Variants in SLC35F1 observed in about 807,000 individuals in gnomAD.
SLC35F1 encodes the protein solute carrier family 35 member F1.
Under a neutral mutation model 48.7 loss-of-function variants are expected in SLC35F1, and 14 were observed. That is an observed-to-expected ratio of 0.29 (90% CI 0.19 to 0.45). The LOEUF is 0.45. SLC35F1 is among the 20% of genes least tolerant of loss of function. The probability of loss-of-function intolerance (pLI) is 1.00; values close to 1 mark genes in which losing one functional copy is unlikely to be tolerated. For missense variants in SLC35F1, 404 were observed against 500.0 expected (o/e 0.81, Z 1.83); for synonymous variants, 190 against 202.2 (o/e 0.94, Z 0.51).
chr6:118,178,709 A>G (rs1299406532), intron 2 of SLC35F1, among the ~76,000 whole-genome samples: 1 of 152,086 alleles, frequency 6.6e-6, no homozygotes, highest in Non-Finnish European at 1.5e-5. Flanking sequence ...CCAGACAGCC[A>G]GATGAAAAAG....
chr6:117,956,975 G>C (rs1341601079), intron 1 of SLC35F1, among the ~76,000 whole-genome samples: 5 of 152,106 alleles, frequency 3.3e-5, no homozygotes, highest in Admixed American at 3.3e-4. Flanking sequence ...TTCCACTTTG[G>C]TCCATGGAGC....
intron 1 of SLC35F1, among the ~76,000 whole-genome samples, chr6:118,017,102 A>G (rs182324661): frequency 6.6e-6 from 1 of 152,300 alleles, no homozygotes; most frequent in East Asian, 1.9e-4. Flanking sequence ...AATCTAGGAG[A>G]GGAAAGATAG....
intron 2 of SLC35F1, among the ~76,000 whole-genome samples, chr6:118,202,358 A>G (rs896305292): frequency 9.9e-5 from 15 of 152,082 alleles, no homozygotes; most frequent in African/African-American, 3.6e-4. Flanking sequence ...TTAGCTAGGC[A>G]TGGTGGCACA....
At chr6:118,248,081 T>C (rs1188990295) in intron 3 of SLC35F1, among the ~76,000 whole-genome samples, 1 of 152,192 alleles carries the variant, frequency 6.6e-6, no homozygotes, top group East Asian at 1.9e-4. Context: ...GAAAGATTCA[T>C]TAAACTACAA....
rs554729743 is a variant in SLC35F1 at position 118,077,956 on chromosome 6, T to C, written c.174-76489T>C. Among the ~76,000 whole-genome samples, 7 of 152,320 alleles carry C rather than the reference T, an allele frequency of 4.6e-5. No homozygotes were observed. In the East Asian group the frequency reaches 1.2e-3, roughly 25 times the overall value. On this transcript the variant is annotated intron_variant, in intron 1 of 7. Transcript: ENST00000360388. ...CTTCAGTAGAGGGTTAAGCTTGCTATAGGTTGTCAATTTAAGTTCTACCTT... is the reference window on the plus strand; with the variant it reads ...CTTCAGTAGAGGGTTAAGCTTGCTACAGGTTGTCAATTTAAGTTCTACCTT...
chr6:117,931,072 C>T (rs959159020), intron 1 of SLC35F1, among the ~76,000 whole-genome samples: 35 of 151,940 alleles, frequency 2.3e-4, no homozygotes, highest in African/African-American at 7.7e-4. Flanking sequence ...GCACCTGGCC[C>T]GTGGTTAGTT....
chr6:118,232,947 G>A (rs1286430548), intron 2 of SLC35F1, among the ~76,000 whole-genome samples: 1 of 150,946 alleles, frequency 6.6e-6, no homozygotes, highest in Non-Finnish European at 1.5e-5. Context: ...AAGGGGGGCT[G>A]GTCCCAGGCA....
chr6:118,148,986 A>T (rs1425581717), intron 1 of SLC35F1, among the ~76,000 whole-genome samples: 1 of 152,166 alleles, frequency 6.6e-6, no homozygotes, highest in Non-Finnish European at 1.5e-5. Flanking sequence ...TCATTTACAG[A>T]TATTTGTTTA....
intron 2 of SLC35F1, among the ~76,000 whole-genome samples, chr6:118,230,339 C>CA (rs5879452): frequency 0.011 from 1,570 of 146,600 alleles, 28 homozygotes; most frequent in African/African-American, 0.038. Context: ...ACTCCATCTA[C>CA]AAAAAAAAAA....
At chr6:117,919,260 C>T (rs1432048989) in intron 1 of SLC35F1, among the ~76,000 whole-genome samples, 1 of 152,114 alleles carries the variant, frequency 6.6e-6, no homozygotes, top group Non-Finnish European at 1.5e-5. Context: ...ATGGTGTCCC[C>T]TTTAGCCTGT....
intron 1 of SLC35F1, among the ~76,000 whole-genome samples, chr6:118,028,428 A>C (rs1468658913): frequency 1.3e-5 from 2 of 152,136 alleles, no homozygotes; most frequent in Non-Finnish European, 2.9e-5. Context: ...AGAGATGGTA[A>C]AGATAGTAAA....
Position 118,264,386 on chromosome 6 carries a change from G to A in SLC35F1, c.478-2609G>A, listed in dbSNP as rs556854521. 7.2e-4 allele frequency among the ~76,000 whole-genome samples: 109 copies of A among 152,300 alleles called. 1 individual carries two copies. Among genetic ancestry groups the A allele is most frequent in the African/African-American group, 2.6e-3 (107 of 41,576 alleles). On this transcript the variant is annotated intron_variant, in intron 3 of 7. Coordinates refer to ENST00000360388, the MANE Select transcript of SLC35F1 (RefSeq NM_001029858.4). ...CAGGCTTCTCTCCTCAAATGCCCCAGAAACACTGGCTTGATTGTATCCTTC... is the reference window on the plus strand; with the variant it reads ...CAGGCTTCTCTCCTCAAATGCCCCAAAAACACTGGCTTGATTGTATCCTTC...
At chr6:118,156,275 T>G (rs1210970433) in intron 2 of SLC35F1, among the ~76,000 whole-genome samples, 1 of 152,124 alleles carries the variant, frequency 6.6e-6, no homozygotes, top group African/African-American at 2.4e-5. Context: ...TTGAAGAAAT[T>G]TATTCTGAGC....
intron 2 of SLC35F1, among the ~76,000 whole-genome samples, chr6:118,160,506 G>T (rs1774214530): frequency 6.6e-6 from 1 of 152,140 alleles, no homozygotes; most frequent in Non-Finnish European, 1.5e-5. Flanking sequence ...TCACCATGTA[G>T]AATCCCTTTG....
At chr6:118,101,672 T>C (rs1344291335) in intron 1 of SLC35F1, among the ~76,000 whole-genome samples, 2 of 152,176 alleles carry the variant, frequency 1.3e-5, no homozygotes, top group African/African-American at 4.8e-5. Context: ...GTGCCATTAA[T>C]GCTTGTCTTT....
intron 4 of SLC35F1, among the ~76,000 whole-genome samples, chr6:118,271,980 G>A (rs1324336678): frequency 1.3e-5 from 2 of 152,158 alleles, no homozygotes; most frequent in Non-Finnish European, 2.9e-5. Context: ...AGTTTTCCCA[G>A]TATTACACAG....
intron 1 of SLC35F1, among the ~76,000 whole-genome samples, chr6:117,984,967 CT>C (rs1191217028): frequency 1.3e-5 from 2 of 152,216 alleles, no homozygotes; most frequent in Non-Finnish European, 1.5e-5. Context: ...AATGGTGTTA[CT>C]GTCTTCTACA....
chr6:118,286,622 TC>T (rs1562351315), intron 7 of SLC35F1, among the ~76,000 whole-genome samples: 1 of 152,178 alleles, frequency 6.6e-6, no homozygotes, highest in Non-Finnish European at 1.5e-5. Flanking sequence ...CTATTTTTCC[TC>T]CAGCTTTATT....
At position 118,235,595 on chromosome 6, in the gene SLC35F1, G is replaced by T; in HGVS notation, c.436G>T (p.Val146Leu). The part of the protein sequence containing the change: ...GLIDLEANYL[V>L]VKAYQYTTLT... ...CATAGACCTGGAAGCAAATTATCTGGTGGTCAAGGCTTACCAATACACAAC... is the reference window on the plus strand; with the variant it reads ...CATAGACCTGGAAGCAAATTATCTGTTGGTCAAGGCTTACCAATACACAAC... Residue 146 changes from valine (V) to leucine (L), a missense_variant, in exon 3 of 8, where the codon GTG becomes TTG. Around this residue, in one of 2 missense-constraint regions of SLC35F1, gnomAD observed 306 missense variants for 419.1 expected, o/e 0.73. Transcript: ENST00000360388. The T allele has an allele frequency of 6.2e-7, 1 of 1,613,508 alleles. No individual in the cohort carries two copies. The highest frequency in any genetic ancestry group is 8.5e-7 in the Non-Finnish European group (1 of 1,179,652).
Sources: allele counts gnomAD v4.1 joint callset (sites outside exome capture counted in the v4.1 genomes callset), GRCh38; gene constraint gnomAD v4.1.1; regional missense constraint gnomAD v4.1.1; transcripts MANE v1.5; gene names NCBI Gene and HGNC (gene_info 2026-07-23, HGNC 2026-07-21).